The following LDLRAD4 variants were observed in gnomAD, a reference collection of about 807,000 sequenced individuals.
The protein encoded by LDLRAD4 is low-density lipoprotein receptor class A domain-containing protein 4.
A neutral mutation model predicts 17.0 loss-of-function variants in LDLRAD4; 5 were observed. The observed-to-expected ratio is 0.29, with a 90% CI of 0.15 to 0.62. The LOEUF is 0.62. Ranked by LOEUF, LDLRAD4 falls within the 20% of genes least tolerant of loss-of-function variation. The probability of loss-of-function intolerance (pLI) is 0.84; values close to 1 mark genes in which losing one functional copy is unlikely to be tolerated. For missense variants in LDLRAD4, 340 were observed against 424.7 expected (o/e 0.80, Z 1.75); for synonymous variants, 168 against 171.8 (o/e 0.98, Z 0.17).
intron 1 of LDLRAD4, among the ~76,000 whole-genome samples, chr18:13,250,204 G>A (rs1051970837): frequency 6.6e-6 from 1 of 152,184 alleles, no homozygotes; most frequent in Non-Finnish European, 1.5e-5. Flanking sequence ...GTATCATGCT[G>A]TTTTGGTTAT....
intron 3 of LDLRAD4, among the ~76,000 whole-genome samples, chr18:13,505,595 G>A (rs1286401927): frequency 2.6e-5 from 4 of 152,094 alleles, no homozygotes; most frequent in Admixed American, 6.6e-5. Flanking sequence ...CGAGGCGGGC[G>A]GATCACAAGG....
chr18:13,485,318 A>G (rs897542739), intron 3 of LDLRAD4, among the ~76,000 whole-genome samples: 3 of 152,204 alleles, frequency 2.0e-5, no homozygotes, highest in Non-Finnish European at 2.9e-5. Flanking sequence ...GGTGGTAGAA[A>G]CACGGAGTTG....
rs71174166 is a variant in LDLRAD4, at chr18:13,226,180, C to CTTTTTTT, written c.-467+7207_-467+7213dup. 7.5e-4 allele frequency among the ~76,000 whole-genome samples: 39 copies of CTTTTTTT among 52,210 alleles called. 11 individuals are homozygous for CTTTTTTT. The highest frequency in any genetic ancestry group is 2.4e-3 in the South Asian group (2 of 842). The allele number at this position is 52,210 out of a possible 152,430, so 34.3% of individuals were successfully genotyped here. A position where few individuals can be genotyped will look rare whatever the true frequency, so the allele number is the denominator to read the frequency against. The stretch of plus-strand genomic sequence containing the variant: ...GGACTACAGATGCTGCCATGCCTTG[C>CTTTTTTT]TTTTTTTTTTTTTTTTTTTTTGTAG... On this transcript the variant is annotated intron_variant, in intron 1 of 5. Transcript: ENST00000399848.
chr18:13,330,796 C>T (rs1221023473), intron 1 of LDLRAD4, among the ~76,000 whole-genome samples: 1 of 152,210 alleles, frequency 6.6e-6, no homozygotes, highest in East Asian at 1.9e-4. Context: ...TTGGAACCTT[C>T]AGCCCACCCC....
chr18:13,343,021 T>A (rs1568028182), intron 1 of LDLRAD4, among the ~76,000 whole-genome samples: 1 of 151,092 alleles, frequency 6.6e-6, no homozygotes, highest in Non-Finnish European at 1.5e-5. Context: ...AGTCTGTAGA[T>A]TTTTTTTTGT....
intron 1 of LDLRAD4, among the ~76,000 whole-genome samples, chr18:13,313,562 T>A (rs2146773226): frequency 6.6e-6 from 1 of 152,310 alleles, no homozygotes. Context: ...ACCCAGAGCT[T>A]CAGAACTGCC....
chr18:13,612,799 G>A, intron 3 of LDLRAD4: 1 of 1,613,696 alleles, frequency 6.2e-7, no homozygotes, highest in Middle Eastern at 1.7e-4. Flanking sequence ...AACTGCTATG[G>A]ATGATGCATG....
At chr18:13,505,046 C>T (rs1005163528) in intron 3 of LDLRAD4, among the ~76,000 whole-genome samples, 1 of 152,208 alleles carries the variant, frequency 6.6e-6, no homozygotes, top group Admixed American at 6.5e-5. Flanking sequence ...ATTGTCCCCA[C>T]ACCAGACGAT....
chr18:13,438,070 A>G (rs976532172), intron 2 of LDLRAD4, among the ~76,000 whole-genome samples, 174 bp from the exon 4 acceptor site: 6 of 152,198 alleles, frequency 3.9e-5, no homozygotes, highest in African/African-American at 1.4e-4. Flanking sequence ...CAGACGAGGA[A>G]GGTCCTTACC....
At chr18:13,606,724 A>G (rs984191219) in intron 3 of LDLRAD4, among the ~76,000 whole-genome samples, 3 of 152,256 alleles carry the variant, frequency 2.0e-5, no homozygotes, top group Admixed American at 6.5e-5. Flanking sequence ...GACTTTAAGC[A>G]TAACAAACTG....
chr18:13,612,501 T>C, intron 3 of LDLRAD4: 20 of 1,368,516 alleles, frequency 1.5e-5, no homozygotes, highest in Non-Finnish European at 1.6e-5. Flanking sequence ...GGGTGGGCCC[T>C]GCTGATACAG....
chr18:13,523,019 C>A (rs1438240944), intron 3 of LDLRAD4: 1 of 152,266 alleles, frequency 6.6e-6, no homozygotes. Context: ...ACGCTGTGCC[C>A]CCGGCAACAT....
chr18:13,533,215 A>G (rs1431905800), intron 3 of LDLRAD4, among the ~76,000 whole-genome samples: 3 of 152,152 alleles, frequency 2.0e-5, no homozygotes, highest in African/African-American at 7.2e-5. Context: ...AAACTTGTGT[A>G]TCTCCACAAA....
upstream of LDLRAD4, among the ~76,000 whole-genome samples, chr18:13,277,150 T>C (rs1028538082): frequency 6.6e-6 from 1 of 152,276 alleles, no homozygotes; most frequent in East Asian, 1.9e-4. Context: ...CCGTGTTTTA[T>C]CCGGCTGTCT....
At chr18:13,301,174 G>T (rs2046576556) in intron 1 of LDLRAD4, among the ~76,000 whole-genome samples, 1 of 152,216 alleles carries the variant, frequency 6.6e-6, no homozygotes, top group African/African-American at 2.4e-5. Flanking sequence ...GAGAGCCTCA[G>T]TGTACCTTTA....
At chr18:13,583,790 G>T (rs1288035312) in intron 3 of LDLRAD4, among the ~76,000 whole-genome samples, 1 of 152,190 alleles carries the variant, frequency 6.6e-6, no homozygotes, top group East Asian at 1.9e-4. Context: ...CACTGCTGGC[G>T]GAGTCTTATT....
chr18:13,624,521 C>T (rs2040942651), intron 4 of LDLRAD4, among the ~76,000 whole-genome samples: 1 of 152,198 alleles, frequency 6.6e-6, no homozygotes, highest in Non-Finnish European at 1.5e-5. Flanking sequence ...TCTCCATCTT[C>T]CTAGGGGAGG....
At chr18:13,462,890 A>G (rs2092479984) in intron 3 of LDLRAD4, among the ~76,000 whole-genome samples, 2 of 152,098 alleles carry the variant, frequency 1.3e-5, no homozygotes, top group Admixed American at 1.3e-4. Flanking sequence ...TGAGGATAGT[A>G]TACTCTCACG....
At chr18:13,370,714 T>G (rs968392885) in intron 1 of LDLRAD4, among the ~76,000 whole-genome samples, 1 of 29,246 alleles carries the variant, frequency 3.4e-5, no homozygotes, top group African/African-American at 7.4e-5. Flanking sequence ...TTTTGTTTTG[T>G]TTTTTTTTTT....
Sources: allele counts gnomAD v4.1 joint callset (sites outside exome capture counted in the v4.1 genomes callset), GRCh38; gene constraint gnomAD v4.1.1; transcripts MANE v1.5; gene names NCBI Gene and HGNC (gene_info 2026-07-23, HGNC 2026-07-21).